CAPZA1: variants seen among roughly 807,000 people sequenced by gnomAD.
The protein encoded by CAPZA1 is capping actin protein of muscle Z-line subunit alpha 1, also known as F-actin-capping protein subunit alpha-1.
In CAPZA1, 10 loss-of-function variants were observed where a neutral mutation model predicts 40.8. The ratio of observed to expected loss-of-function variants is 0.25; its 90% CI spans 0.15 to 0.42. CAPZA1 has a LOEUF of 0.42. Ranked by LOEUF, CAPZA1 falls within the 10% of genes least tolerant of loss-of-function variation. The probability of loss-of-function intolerance (pLI) is 1.00; values close to 1 mark genes in which losing one functional copy is unlikely to be tolerated. For synonymous variants in CAPZA1, 98 were observed against 115.0 expected, an observed-to-expected ratio of 0.85 and a Z score of 0.95; for missense variants, 277 against 353.8, an observed-to-expected ratio of 0.78 and a Z score of 1.74.
intron 6 of CAPZA1, 96 bp downstream of exon 6, chr1:112,659,197 T>TA: frequency 1.3e-6 from 1 of 791,340 alleles, no homozygotes; most frequent in Non-Finnish European, 2.2e-6. Context: ...TTATTTAACT[T>TA]ACAGACTTCA....
chr1:112,649,347 TC>T, intron 2 of CAPZA1, 70 bp from the exon 3 acceptor site: 1 of 1,133,394 alleles, frequency 8.8e-7, no homozygotes, highest in Non-Finnish European at 1.3e-6. Flanking sequence ...ATTTAAAAAT[TC>T]AATCTAGAAA....
chr1:112,640,709 G>A (rs1478290307), intron 1 of CAPZA1, among the ~76,000 whole-genome samples: 10 of 152,202 alleles, frequency 6.6e-5, no homozygotes, highest in East Asian at 1.9e-4. Flanking sequence ...CCACCGCCCC[G>A]TCTGGGAGGT....
chr1:112,658,993 C>CT lies in CAPZA1; in HGVS notation c.427-26dup, dbSNP rs755185915. The CT allele has an allele frequency of 2.6e-6, 4 of 1,514,282 alleles. No individual in the cohort carries two copies. In the South Asian group the frequency reaches 4.5e-5, roughly 17 times the overall value. 93.8% of individuals were successfully genotyped at this position (1,514,282 alleles called of 1,614,324 possible). On this transcript the variant is annotated intron_variant, in intron 5 of 9. Coordinates refer to ENST00000263168, the MANE Select transcript of CAPZA1 (RefSeq NM_006135.3). ...TGTTTAAATTAAAAGTGTTTGGAGT[C>CT]TTTAACTATTTTTTTTTCCCAACAA... is the stretch of plus-strand genomic sequence containing the variant.
At chr1:112,628,079 C>G (rs1002185200) in intron 1 of CAPZA1, among the ~76,000 whole-genome samples, 5 of 152,150 alleles carry the variant, frequency 3.3e-5, no homozygotes, top group African/African-American at 9.7e-5. Flanking sequence ...TTAAAGATCA[C>G]TAAAGTCCCC....
intron 5 of CAPZA1, among the ~76,000 whole-genome samples, chr1:112,657,334 ATC>A (rs1429855568): frequency 3.3e-5 from 5 of 150,802 alleles, no homozygotes; most frequent in African/African-American, 1.2e-4. Flanking sequence ...CCCTTCTCTC[ATC>A]TCTCTCTGCA....
At chr1:112,644,184 C>CTTTTTTTTTTTTTTTTTTTTT (rs60802838) in intron 1 of CAPZA1, among the ~76,000 whole-genome samples, 2 of 56,782 alleles carry the variant, frequency 3.5e-5, no homozygotes, top group Non-Finnish European at 5.7e-5. Flanking sequence ...CTTCTCCCAG[C>CTTTTTTTTTTTTTTTTTTTTT]TTTTTTTTTT....
intron 7 of CAPZA1, among the ~76,000 whole-genome samples, chr1:112,665,476 G>A (rs899965342): frequency 1.3e-5 from 2 of 152,010 alleles, no homozygotes. Flanking sequence ...CACCGCGCCC[G>A]GCCTTGTTTC....
At chr1:112,639,676 TTTC>T (rs1488323606) in intron 1 of CAPZA1, among the ~76,000 whole-genome samples, 1 of 152,014 alleles carries the variant, frequency 6.6e-6, no homozygotes. Context: ...AGCTTTTATC[TTTC>T]TTTATTTCCC....
At chr1:112,635,671 CTCGGCA>C (rs1169486194) in intron 1 of CAPZA1, among the ~76,000 whole-genome samples, 1 of 151,896 alleles carries the variant, frequency 6.6e-6, no homozygotes, top group East Asian at 2.0e-4. Context: ...CCTGACCTGC[CTCGGCA>C]TCTGAAAGTG....
intron 7 of CAPZA1, among the ~76,000 whole-genome samples, chr1:112,660,504 T>C (rs1015252313): frequency 6.6e-6 from 1 of 152,202 alleles, no homozygotes; most frequent in Non-Finnish European, 1.5e-5. Context: ...GGTCTCGATC[T>C]CCTGACCTCA....
At chr1:112,650,168 T>G (rs1212844912) in intron 3 of CAPZA1, among the ~76,000 whole-genome samples, 1 of 152,074 alleles carries the variant, frequency 6.6e-6, no homozygotes, top group Non-Finnish European at 1.5e-5. Context: ...CTAGAGTGGG[T>G]AGGGATGGGG....
intron 7 of CAPZA1, among the ~76,000 whole-genome samples, chr1:112,661,933 G>T (rs766065353): frequency 6.6e-6 from 1 of 152,180 alleles, no homozygotes; most frequent in Non-Finnish European, 1.5e-5. Context: ...TGGAAAAGTC[G>T]TTAAGATATT....
chr1:112,661,238 G>A (rs1671601809), intron 7 of CAPZA1, among the ~76,000 whole-genome samples: 1 of 152,156 alleles, frequency 6.6e-6, no homozygotes, highest in Non-Finnish European at 1.5e-5. Context: ...GGCCATAGGA[G>A]CATGCCCAAC....
At chr1:112,627,363 G>A (rs1670829462) in intron 1 of CAPZA1, among the ~76,000 whole-genome samples, 1 of 152,106 alleles carries the variant, frequency 6.6e-6, no homozygotes, top group African/African-American at 2.4e-5. Context: ...GTTGCTGAAT[G>A]GCCAGGTGCG....
intron 1 of CAPZA1, among the ~76,000 whole-genome samples, chr1:112,627,086 C>T (rs1376694296): frequency 6.6e-6 from 1 of 152,188 alleles, no homozygotes; most frequent in Non-Finnish European, 1.5e-5. Context: ...GTAGAGTAAA[C>T]TGAGGCACAG....
intron 7 of CAPZA1, among the ~76,000 whole-genome samples, chr1:112,666,616 T>C (rs1671728640): frequency 6.6e-6 from 1 of 152,268 alleles, no homozygotes; most frequent in Non-Finnish European, 1.5e-5. Context: ...TGACTTTTCC[T>C]GTACCTGGTC....
chr1:112,649,316 A>T (rs1408233754), intron 2 of CAPZA1, 102 bp from the exon 3 acceptor site: 3 of 803,148 alleles, frequency 3.7e-6, no homozygotes, highest in East Asian at 2.5e-5. Flanking sequence ...ACACCTGAAG[A>T]CTAATTTTAC....
At chr1:112,638,759 A>T (rs933337171) in intron 1 of CAPZA1, among the ~76,000 whole-genome samples, 1 of 150,796 alleles carries the variant, frequency 6.6e-6, no homozygotes. Context: ...ACATGGTGAA[A>T]CCCCATCCCT....
intron 1 of CAPZA1, chr1:112,626,284 C>A (rs1042038920): frequency 1.3e-5 from 2 of 152,022 alleles, no homozygotes; most frequent in Non-Finnish European, 2.9e-5. Context: ...TATATAGGAA[C>A]TATAATAACA....
Sources: allele counts gnomAD v4.1 joint callset (sites outside exome capture counted in the v4.1 genomes callset), GRCh38; gene constraint gnomAD v4.1.1; transcripts MANE v1.5; gene names NCBI Gene and HGNC (gene_info 2026-07-23, HGNC 2026-07-21).